Variants in SNX8 observed in about 807,000 individuals in gnomAD.
SNX8 encodes sorting nexin 8, also known as sorting nexin-8.
Under a neutral mutation model 51.6 loss-of-function variants are expected in SNX8, and 25 were observed. The ratio of observed to expected loss-of-function variants is 0.48; its 90% CI spans 0.35 to 0.68. SNX8 has a LOEUF of 0.68. Ranked by LOEUF, SNX8 falls within the 30% of genes least tolerant of loss-of-function variation. The pLI, the probability that SNX8 is intolerant of heterozygous loss-of-function variation, is 0.00. For synonymous variants in SNX8, 324 were observed against 277.0 expected, an observed-to-expected ratio of 1.17 and a Z score of -1.68; for missense variants, 695 against 624.0, an observed-to-expected ratio of 1.11 and a Z score of -1.21.
intron 1 of SNX8, among the ~76,000 whole-genome samples, chr7:2,347,489 A>AAAG (rs2115251111): frequency 9.7e-6 from 1 of 102,718 alleles, no homozygotes; most frequent in African/African-American, 3.1e-5. Context: ...TCAAAAAAAA[A>AAAG]AAAAAAAAAA....
chr7:2,263,150 C>G, intron 7 of SNX8, 80 bp downstream of exon 7: 1 of 1,491,544 alleles, frequency 6.7e-7, no homozygotes, highest in Admixed American at 1.9e-5. Context: ...CTGTGACGCC[C>G]ATCTAAGCAG....
chr7:2,264,943 G>A (rs1165713537), intron 5 of SNX8, among the ~76,000 whole-genome samples: 1 of 152,194 alleles, frequency 6.6e-6, no homozygotes, highest in Non-Finnish European at 1.5e-5. Flanking sequence ...GCTGAGACAG[G>A]AGAATTGCTT....
intron 1 of SNX8, among the ~76,000 whole-genome samples, chr7:2,341,614 G>A (rs1234238354): frequency 6.6e-6 from 1 of 152,140 alleles, no homozygotes; most frequent in African/African-American, 2.4e-5. Context: ...AGAGGCTGCA[G>A]TGAGCCATGT....
intron 1 of SNX8, among the ~76,000 whole-genome samples, chr7:2,338,356 G>A (rs1409918695): frequency 1.3e-5 from 2 of 152,060 alleles, no homozygotes; most frequent in Non-Finnish European, 2.9e-5. Flanking sequence ...CAGCTACTCG[G>A]GAGGCTGAGG....
At chr7:2,261,849 A>T (rs10447540) in intron 7 of SNX8, among the ~76,000 whole-genome samples, 1 of 152,092 alleles carries the variant, frequency 6.6e-6, no homozygotes, top group Admixed American at 6.5e-5. Flanking sequence ...TTTCCAGCTT[A>T]AAAAGCCCCG....
intron 1 of SNX8, among the ~76,000 whole-genome samples, chr7:2,289,427 G>A (rs1426887161): frequency 6.6e-6 from 1 of 152,164 alleles, no homozygotes; most frequent in Admixed American, 6.6e-5. Context: ...CCACCAGCAA[G>A]AGCTCCAGCT....
At chr7:2,351,655 A>AG (rs1554271029) in intron 1 of SNX8, among the ~76,000 whole-genome samples, 2 of 151,686 alleles carry the variant, frequency 1.3e-5, no homozygotes, top group Admixed American at 6.6e-5. Flanking sequence ...ACAGGATGAA[A>AG]CCCGTCTCTA....
At chr7:2,331,829 A>G (rs1030021220) in intron 1 of SNX8, among the ~76,000 whole-genome samples, 7 of 152,118 alleles carry the variant, frequency 4.6e-5, no homozygotes, top group Admixed American at 4.6e-4. Flanking sequence ...AAAGTGAGTC[A>G]AGATCACGCC....
intron 1 of SNX8, among the ~76,000 whole-genome samples, chr7:2,289,624 CTTTTT>C (rs933392107): frequency 7.2e-5 from 11 of 152,068 alleles, no homozygotes; most frequent in Admixed American, 2.0e-4. Context: ...CTGTTTTTCT[CTTTTT>C]TTTAATGCGG....
chr7:2,256,993 G>A lies in SNX8; in HGVS notation c.1165C>T (p.Arg389Trp). The A allele has an allele frequency of 1.9e-6, 3 of 1,611,628 alleles. No individual in the cohort carries two copies. The highest frequency in any genetic ancestry group is 1.7e-5 in the Admixed American group (1 of 59,784). Reference sequence around the variant, plus strand: ...AGGCAGTACAGGGAGAAGTAGTTCCGCAGCTCCATCGTCTGAATCGCGTTC... The same window carrying A: ...AGGCAGTACAGGGAGAAGTAGTTCCACAGCTCCATCGTCTGAATCGCGTTC... Reference protein sequence around the residue: ...QENAIQTMELRNYFSLYCLHQ... With the variant: ...QENAIQTMELWNYFSLYCLHQ... Residue 389 changes from arginine to tryptophan, a missense_variant, in exon 10 of 11, where the codon CGG (arginine) becomes TGG (tryptophan). Coordinates refer to ENST00000222990, the MANE Select transcript of SNX8 (RefSeq NM_013321.4).
At chr7:2,261,935 G>C (rs375149942) in intron 7 of SNX8, among the ~76,000 whole-genome samples, 1 of 152,228 alleles carries the variant, frequency 6.6e-6, no homozygotes, top group Non-Finnish European at 1.5e-5. Flanking sequence ...CAGCCCTCAC[G>C]GGCACACTCT....
intron 1 of SNX8, among the ~76,000 whole-genome samples, chr7:2,311,373 CTGTTTT>C (rs1209087634): frequency 8.5e-5 from 13 of 152,278 alleles, no homozygotes; most frequent in Admixed American, 2.0e-4. Flanking sequence ...TTTTTCTTTG[CTGTTTT>C]TGTTTTTGTT....
intron 1 of SNX8, among the ~76,000 whole-genome samples, chr7:2,302,951 A>G (rs1241989577): frequency 7.1e-6 from 1 of 141,546 alleles, no homozygotes; most frequent in Non-Finnish European, 1.5e-5. Context: ...CCCAGCAGCC[A>G]CCCCGTCTGG....
chr7:2,343,337 T>G (rs1444638675), intron 1 of SNX8, among the ~76,000 whole-genome samples: 6 of 152,194 alleles, frequency 3.9e-5, no homozygotes, highest in African/African-American at 1.2e-4. Context: ...GAAAAAATAT[T>G]TTTAACATAT....
upstream of SNX8, among the ~76,000 whole-genome samples, chr7:2,317,246 A>T (rs1337601128): frequency 1.1e-5 from 1 of 93,532 alleles, no homozygotes; most frequent in Admixed American, 1.5e-4. Flanking sequence ...AGGATCCTGG[A>T]CCTTCTTTTT....
At chr7:2,320,158 C>A (rs969212290) in intron 1 of SNX8, among the ~76,000 whole-genome samples, 4 of 151,988 alleles carry the variant, frequency 2.6e-5, no homozygotes, top group Non-Finnish European at 5.9e-5. Flanking sequence ...GAGTTTGAGA[C>A]CAGCCTGACC....
In SNX8 at chr7:2,302,059, G is replaced by A. The variant is rs185599930; in HGVS notation, c.94+12269C>T. Among the ~76,000 whole-genome samples, 298 of 151,966 alleles carry A rather than the reference G, an allele frequency of 2.0e-3. 1 individual carries two copies. Among genetic ancestry groups the A allele is most frequent in the African/African-American group, 6.8e-3 (282 of 41,454 alleles). On this transcript the variant is annotated intron_variant, in intron 1 of 10. Transcript: ENST00000222990. Reference sequence around the variant, plus strand: ...AGATCGAGACCATCCTGGCTAACACGGTGAAACTTCATCTCTATTAAAAAA... The same window carrying A: ...AGATCGAGACCATCCTGGCTAACACAGTGAAACTTCATCTCTATTAAAAAA...
intron 1 of SNX8, among the ~76,000 whole-genome samples, chr7:2,288,720 G>T (rs1796087096): frequency 6.6e-6 from 1 of 152,062 alleles, no homozygotes; most frequent in Admixed American, 6.6e-5. Context: ...GGGGTTTTTT[G>T]GGGGTTTGCC....
intron 1 of SNX8, among the ~76,000 whole-genome samples, chr7:2,323,542 G>A (rs559423473): frequency 7.3e-4 from 111 of 152,158 alleles, no homozygotes; most frequent in East Asian, 2.5e-3. Flanking sequence ...ATCACAGAGC[G>A]GCCACCATCC....
Sources: gnomAD v4.1 joint callset for allele counts (sites outside exome capture counted in the v4.1 genomes callset) on GRCh38, gnomAD v4.1.1 for gene constraint, MANE v1.5 for transcripts, NCBI Gene and HGNC (gene_info 2026-07-23, HGNC 2026-07-21) for gene names.